Variants in ARMH3 observed in about 807,000 individuals in gnomAD.
The protein encoded by ARMH3 is armadillo like helical domain containing 3.
Under a neutral mutation model 99.1 loss-of-function variants are expected in ARMH3, and 60 were observed. That is an observed-to-expected ratio of 0.61 (90% CI 0.49 to 0.75). The LOEUF (loss-of-function observed/expected upper bound fraction) is 0.75, where lower values mean the gene tolerates loss of function less well. Ranked by LOEUF, ARMH3 falls within the 30% of genes least tolerant of loss-of-function variation. ARMH3 has a pLI of 0.00. For synonymous variants in ARMH3, 285 were observed against 292.8 expected (o/e 0.97, Z 0.27); for missense variants, 679 against 843.1 (o/e 0.81, Z 2.41).
At chr10:102,030,430 C>G (rs931567170) in intron 4 of ARMH3, among the ~76,000 whole-genome samples, 1 of 152,066 alleles carries the variant, frequency 6.6e-6, no homozygotes, top group East Asian at 1.9e-4. Context: ...ATTTTGGGGC[C>G]GGACGCAGTG....
chr10:101,984,667 T>A (rs971473899), intron 19 of ARMH3, among the ~76,000 whole-genome samples: 1 of 152,100 alleles, frequency 6.6e-6, no homozygotes, highest in African/African-American at 2.4e-5. Context: ...TCTGTTCCTG[T>A]CTCCACAGTC....
chr10:101,966,846 G>C (rs1273584366), intron 20 of ARMH3, among the ~76,000 whole-genome samples: 1 of 152,190 alleles, frequency 6.6e-6, no homozygotes, highest in Non-Finnish European at 1.5e-5. Context: ...CAGGTGCAGA[G>C]AGGAACAAGC....
At chr10:102,022,673 C>T (rs989857345) in intron 8 of ARMH3, among the ~76,000 whole-genome samples, 9 of 148,192 alleles carry the variant, frequency 6.1e-5, no homozygotes, top group East Asian at 2.1e-4. Flanking sequence ...CTCCGCCTCC[C>T]GGGTTCATGC....
At chr10:101,979,992 G>A (rs1590123982) in intron 19 of ARMH3, among the ~76,000 whole-genome samples, 3 of 151,986 alleles carry the variant, frequency 2.0e-5, no homozygotes, top group South Asian at 2.1e-4. Flanking sequence ...TCATATCCTC[G>A]CTGCCTTAAA....
intron 22 of ARMH3, among the ~76,000 whole-genome samples, chr10:101,946,507 T>A (rs1374691494): frequency 6.6e-6 from 1 of 151,968 alleles, no homozygotes; most frequent in African/African-American, 2.4e-5. Context: ...TATTTAGAAG[T>A]AAAATATGTA....
In ARMH3 at chr10:101,856,897, C is replaced by A. The variant is rs150972227; in HGVS notation, c.1861-7005G>T. On this transcript the variant is annotated intron_variant, in intron 24 of 25. Transcript: ENST00000370033. ...GGCTGGGCAGGCACTACTTATTCTG[C>A]AAGCTGATAATGGAGAAATAATGAG... Among the ~76,000 whole-genome samples the A allele has an allele frequency of 3.7e-3, 560 of 152,260 alleles. 3 individuals carry two copies. The highest frequency in any genetic ancestry group is 6.0e-3 in the Admixed American group (91 of 15,294).
At chr10:101,940,414 C>A (rs1273695164) in intron 22 of ARMH3, among the ~76,000 whole-genome samples, 1 of 151,928 alleles carries the variant, frequency 6.6e-6, no homozygotes, top group Non-Finnish European at 1.5e-5. Context: ...CAGGACACAT[C>A]CACATAGAGG....
intron 23 of ARMH3, among the ~76,000 whole-genome samples, chr10:101,893,836 TTATCAGG>T (rs2067753072): frequency 6.6e-6 from 1 of 152,188 alleles, no homozygotes; most frequent in Non-Finnish European, 1.5e-5. Flanking sequence ...ACCATTACAC[TTATCAGG>T]TGTCAGCTGG....
chr10:102,037,156 TTAA>T (rs1169335439), intron 2 of ARMH3, among the ~76,000 whole-genome samples: 2 of 151,620 alleles, frequency 1.3e-5, no homozygotes, highest in South Asian at 4.1e-4. Flanking sequence ...TAATAAAATA[TTAA>T]TAATCTCTTC....
intron 23 of ARMH3, among the ~76,000 whole-genome samples, chr10:101,910,146 A>G (rs1395193089): frequency 1.3e-5 from 2 of 152,164 alleles, no homozygotes; most frequent in African/African-American, 4.8e-5. Context: ...AATTTTCTTC[A>G]AAATGCCTAG....
At chr10:102,040,687 C>A (rs2067389530) in intron 1 of ARMH3, among the ~76,000 whole-genome samples, 1 of 152,074 alleles carries the variant, frequency 6.6e-6, no homozygotes, top group Non-Finnish European at 1.5e-5. Context: ...TAAAGCAGAT[C>A]CAAAACCAAA....
At chr10:102,054,208 G>A (rs1246873088) in intron 1 of ARMH3, among the ~76,000 whole-genome samples, 1 of 151,932 alleles carries the variant, frequency 6.6e-6, no homozygotes, top group Non-Finnish European at 1.5e-5. Flanking sequence ...GGCCAATATG[G>A]TGAAACTCCG....
intron 23 of ARMH3, among the ~76,000 whole-genome samples, chr10:101,896,063 C>T (rs968350190): frequency 2.0e-5 from 3 of 151,900 alleles, no homozygotes; most frequent in Non-Finnish European, 2.9e-5. Flanking sequence ...CCCATCTCTA[C>T]AAAATTACAA....
chr10:101,862,937 C>T (rs147449490), intron 24 of ARMH3, among the ~76,000 whole-genome samples: 2,115 of 152,352 alleles, frequency 0.014, 33 homozygotes, highest in South Asian at 0.028. Flanking sequence ...GGCGCGGTGG[C>T]TCATGCCTGT....
At chr10:102,045,686 A>T (rs1316781797) in intron 1 of ARMH3, among the ~76,000 whole-genome samples, 1 of 152,188 alleles carries the variant, frequency 6.6e-6, no homozygotes, top group African/African-American at 2.4e-5. Context: ...GAATCCAAAT[A>T]TCCATCAGCA....
chr10:101,864,050 G>C, intron 24 of ARMH3, among the ~76,000 whole-genome samples: 1 of 105,392 alleles, frequency 9.5e-6, no homozygotes, highest in Admixed American at 1.2e-4. Flanking sequence ...AACAGAGCAA[G>C]ACTCCATCTC....
At chr10:102,029,411 G>C in intron 5 of ARMH3, 1 of 1,508,000 alleles carries the variant, frequency 6.6e-7, no homozygotes, top group Non-Finnish European at 8.9e-7. Context: ...AAACTATTCT[G>C]TCTTTATCCC....
intron 23 of ARMH3, among the ~76,000 whole-genome samples, chr10:101,900,745 G>A (rs954681396): frequency 2.0e-5 from 3 of 152,286 alleles, no homozygotes; most frequent in Non-Finnish European, 4.4e-5. Flanking sequence ...ACTTTGGGAC[G>A]CCCAGGTGGG....
chr10:102,053,511 A>T (rs963099823), intron 1 of ARMH3, among the ~76,000 whole-genome samples: 2 of 151,876 alleles, frequency 1.3e-5, no homozygotes, highest in Non-Finnish European at 2.9e-5. Flanking sequence ...CTAGGATTAC[A>T]GGTATAAGCC....
Sources: allele counts gnomAD v4.1 joint callset (sites outside exome capture counted in the v4.1 genomes callset), GRCh38; gene constraint gnomAD v4.1.1; transcripts MANE v1.5; gene names NCBI Gene and HGNC (gene_info 2026-07-23, HGNC 2026-07-21).